NFIX: variants seen among roughly 807,000 people sequenced by gnomAD.
The protein encoded by NFIX is nuclear factor I X.
In NFIX, 2 loss-of-function variants were observed where a neutral mutation model predicts 53.3. The observed-to-expected ratio is 0.04, with a 90% CI of 0.02 to 0.12. The LOEUF (loss-of-function observed/expected upper bound fraction) is 0.12. NFIX is among the 10% of genes least tolerant of loss of function. The pLI is 1.00. For missense variants in NFIX, 310 were observed against 674.5 expected (o/e 0.46, Z 5.99); for synonymous variants, 244 against 289.0 (o/e 0.84, Z 1.58).
chr19:13,039,228 C>CA (rs1555698305), intron 2 of NFIX, among the ~76,000 whole-genome samples: 1,895 of 144,564 alleles, frequency 0.013, 49 homozygotes, highest in African/African-American at 0.051. Context: ...ACACCCCCCC[C>CA]CACACACACA....
In NFIX at chr19:13,002,006, T is replaced by G. The variant is rs1416721324; in HGVS notation, c.27+6142T>G. Among the ~76,000 whole-genome samples, 1 of 152,116 alleles carries G rather than the reference T, an allele frequency of 6.6e-6. No individual in the cohort carries two copies. Among genetic ancestry groups the G allele is most frequent in the Admixed American group, 6.5e-5 (1 of 15,288 alleles). ...TCTGTCTGCCCGGCGCACATTGATC[T>G]TGGCTTCTGCCTGTGTCCGTTCTAG... On this transcript the variant is annotated intron_variant, in intron 1 of 10. Coordinates refer to ENST00000592199, the MANE Select transcript of NFIX (RefSeq NM_001365902.3). The surrounding 1 kb of genome is among the most constrained non-coding windows in gnomAD (Gnocchi z 6.1).
In NFIX at chr19:13,081,990, C is replaced by A. The variant is rs2017497974; in HGVS notation, c.1254+135C>A. Reference sequence around the variant, plus strand: ...TGGAGCAGCAGGGAGCTGGTAGTACCAAACGCCTCGATTTTCTGGGTCTGG... The same window carrying A: ...TGGAGCAGCAGGGAGCTGGTAGTACAAAACGCCTCGATTTTCTGGGTCTGG... On this transcript the variant is annotated intron_variant, in intron 8 of 10. Transcript: ENST00000592199. The surrounding 1 kb of genome is among the most constrained non-coding windows in gnomAD (Gnocchi z 4.7). 3.1e-6 allele frequency: 3 copies of A among 978,480 alleles called. No homozygotes were observed. The highest frequency in any genetic ancestry group is 4.5e-6 in the Non-Finnish European group (3 of 667,110). The allele number at this position is 978,480 out of a possible 1,614,324, so 60.6% of individuals were successfully genotyped here. A position where few individuals can be genotyped will look rare whatever the true frequency, so the allele number is the denominator to read the frequency against.
In NFIX at chr19:13,036,918, T is replaced by C. The variant is rs2014240569; in HGVS notation, c.559+11366T>C. On this transcript the variant is annotated intron_variant, in intron 2 of 10. Transcript: ENST00000592199. The surrounding 1 kb of genome is among the most constrained non-coding windows in gnomAD (Gnocchi z 4.7). ...CACCCGGACACATGACATCATTGTT[T>C]CCTTAGTAACAGGAATGCTCCCGGG... Among the ~76,000 whole-genome samples, 1 of 152,108 alleles carries C rather than the reference T, an allele frequency of 6.6e-6. No individual in the cohort carries two copies. The highest frequency in any genetic ancestry group is 2.4e-5 in the African/African-American group (1 of 41,408).
At chr19:13,018,335 CGGGGGGGGGGGGG>C (rs59494074) in intron 1 of NFIX, among the ~76,000 whole-genome samples, 124 of 11,242 alleles carry the variant, frequency 0.011, 15 homozygotes, top group Admixed American at 0.08. Context: ...AAGGAAGGGG[CGGGGGGGGGGGGG>C]GGGCGCGGTT....
chr19:13,074,146 C>T, intron 5 of NFIX, 120 bp downstream of exon 5: 1 of 1,278,996 alleles, frequency 7.8e-7, no homozygotes, highest in South Asian at 1.4e-5. Flanking sequence ...TCACCTCTCT[C>T]ATTGAGGGCA....
intron 2 of NFIX, among the ~76,000 whole-genome samples, chr19:13,065,304 G>A (rs1468195809): frequency 2.6e-5 from 4 of 152,206 alleles, no homozygotes; most frequent in African/African-American, 9.7e-5. Flanking sequence ...TGCCCAAGAT[G>A]TTTTTCTTTG....
At chr19:13,038,536 C>T (rs1422926869) in intron 2 of NFIX, among the ~76,000 whole-genome samples, 2 of 152,204 alleles carry the variant, frequency 1.3e-5, no homozygotes, top group East Asian at 1.9e-4. Context: ...CCTATTCTGG[C>T]ACATGGAGTT....
chr19:13,017,175 G>A (rs1342042674), intron 1 of NFIX, among the ~76,000 whole-genome samples: 1 of 152,158 alleles, frequency 6.6e-6, no homozygotes, highest in African/African-American at 2.4e-5. Flanking sequence ...GAGAGAGGGT[G>A]AGAAAGAAAG....
At chr19:13,033,542 G>A (rs576175283) in intron 2 of NFIX, among the ~76,000 whole-genome samples, 176 of 152,284 alleles carry the variant, frequency 1.2e-3, no homozygotes, top group Non-Finnish European at 2.0e-3. Context: ...GCTGTTATTT[G>A]GGGACACCCA....
chr19:13,024,422 T>C (rs2013154020), intron 1 of NFIX: 1 of 963,050 alleles, frequency 1.0e-6, no homozygotes, highest in South Asian at 4.8e-5. Flanking sequence ...GAAAAGAAAA[T>C]GAAAACAGCC....
rs1047950605 is a variant in NFIX, at chr19:13,022,077, G to A, written c.28-2944G>A. ...GGCAGATCTGGAGAATTAAATGCCTGTGCAGTGGTGAGGGGCGTTGGTCAG... is the reference window on the plus strand; with the variant it reads ...GGCAGATCTGGAGAATTAAATGCCTATGCAGTGGTGAGGGGCGTTGGTCAG... On this transcript the variant is annotated intron_variant, in intron 1 of 10. Coordinates refer to ENST00000592199, the MANE Select transcript of NFIX (RefSeq NM_001365902.3). This position sits in a 1 kb window ranked among gnomAD's most constrained non-coding sequence, Gnocchi z 4.5. 6.6e-6 allele frequency among the ~76,000 whole-genome samples: 1 copy of A among 152,202 alleles called. No homozygotes were observed.
Position 13,089,807 on chromosome 19 carries a change from G to A in NFIX, c.1403-492G>A, listed in dbSNP as rs571832020. Among the ~76,000 whole-genome samples, 1 of 152,274 alleles carries A rather than the reference G, an allele frequency of 6.6e-6. No individual in the cohort carries two copies. Among genetic ancestry groups the A allele is most frequent in the East Asian group, 1.9e-4 (1 of 5,166 alleles). On this transcript the variant is annotated intron_variant, in intron 9 of 10. Transcript: ENST00000592199. This position sits in a 1 kb window ranked among gnomAD's most constrained non-coding sequence, Gnocchi z 4.8. Reference sequence around the variant, plus strand: ...GGGAAGGCCTTCCCGAAGCAGGGTGGGGCCGGACTGCCAAAGCCTCCACCC... The same window carrying A: ...GGGAAGGCCTTCCCGAAGCAGGGTGAGGCCGGACTGCCAAAGCCTCCACCC...
Position 13,085,069 on chromosome 19 carries a change from CAAAAAAA to C in NFIX, c.1255-2904_1255-2898del, listed in dbSNP as rs555726363. Among the ~76,000 whole-genome samples the C allele has an allele frequency of 3.6e-4, 20 of 54,950 alleles. 1 individual carries two copies. The highest frequency in any genetic ancestry group is 1.1e-3 in the African/African-American group (18 of 15,778). 36.0% of individuals were successfully genotyped at this position (54,950 alleles called of 152,430 possible). A position where few individuals can be genotyped will look rare whatever the true frequency, so the allele number is the denominator to read the frequency against. ...TGGGCGACAGAGTGAGACTCCATCT[CAAAAAAA>C]AAAAAAAAAAAAAAATTGAGGAGCT... On this transcript the variant is annotated intron_variant, in intron 8 of 10. Coordinates refer to ENST00000592199, the MANE Select transcript of NFIX (RefSeq NM_001365902.3).
At position 13,013,959 on chromosome 19, in the gene NFIX, G is replaced by A. The variant is rs577060533; in HGVS notation, c.28-11062G>A. 4.1e-4 allele frequency: 63 copies of A among 152,360 alleles called. No homozygotes were observed. Among genetic ancestry groups the A allele is most frequent in the African/African-American group, 1.5e-3 (61 of 41,588 alleles). 9.4% of individuals were successfully genotyped at this position (152,360 alleles called of 1,614,324 possible). A position where few individuals can be genotyped will look rare whatever the true frequency, so the allele number is the denominator to read the frequency against. On this transcript the variant is annotated intron_variant, in intron 1 of 10. Coordinates refer to ENST00000592199, the MANE Select transcript of NFIX (RefSeq NM_001365902.3). This position sits in a 1 kb window ranked among gnomAD's most constrained non-coding sequence, Gnocchi z 5.9. ...CTTCTGCGCTGCCTCTGTCGTCGGA[G>A]CCCGGGTTTGCCACGGCAAAGTCTG...
At chr19:13,058,695 A>G (rs895359067) in intron 2 of NFIX, among the ~76,000 whole-genome samples, 1 of 151,912 alleles carries the variant, frequency 6.6e-6, no homozygotes, top group Non-Finnish European at 1.5e-5. Context: ...CTGTCTCAAA[A>G]AAAGCAAAAA....
chr19:13,035,017 A>G (rs139158011), intron 2 of NFIX, among the ~76,000 whole-genome samples: 2 of 152,296 alleles, frequency 1.3e-5, no homozygotes, highest in African/African-American at 2.4e-5. Context: ...TTGACCCGCT[A>G]GAAATCAGTT....
Position 13,067,998 on chromosome 19 carries a change from G to A in NFIX, c.560-5049G>A, listed in dbSNP as rs1362682048. Reference sequence around the variant, plus strand: ...CAGGTGCCTGTAGTTCCCAGTACTCGGGAGGCTGAGGCAGGAGAATGGCGT... The same window carrying A: ...CAGGTGCCTGTAGTTCCCAGTACTCAGGAGGCTGAGGCAGGAGAATGGCGT... On this transcript the variant is annotated intron_variant, in intron 2 of 10. Coordinates refer to ENST00000592199, the MANE Select transcript of NFIX (RefSeq NM_001365902.3). This position sits in a 1 kb window ranked among gnomAD's most constrained non-coding sequence, Gnocchi z 4.2. Among the ~76,000 whole-genome samples the A allele has an allele frequency of 3.3e-5, 5 of 151,884 alleles. No individual in the cohort carries two copies. The highest frequency in any genetic ancestry group is 9.7e-5 in the African/African-American group (4 of 41,334).
At position 13,045,816 on chromosome 19, in the gene NFIX, T is replaced by C. The variant is rs1247724072; in HGVS notation, c.559+20264T>C. 6.6e-6 allele frequency among the ~76,000 whole-genome samples: 1 copy of C among 152,228 alleles called. No individual in the cohort carries two copies. The highest frequency in any genetic ancestry group is 2.4e-5 in the African/African-American group (1 of 41,458). On this transcript the variant is annotated intron_variant, in intron 2 of 10. Coordinates refer to ENST00000592199, the MANE Select transcript of NFIX (RefSeq NM_001365902.3). The surrounding 1 kb of genome is among the most constrained non-coding windows in gnomAD (Gnocchi z 4.4). ...GATCCAGGATTGGAGAATTTGCTCT[T>C]GCCCACCTCTCCATGTCCTCGTTGC...
At position 13,068,035 on chromosome 19, in the gene NFIX, G is replaced by A. The variant is rs1260301840; in HGVS notation, c.560-5012G>A. On this transcript the variant is annotated intron_variant, in intron 2 of 10. Transcript: ENST00000592199. The surrounding 1 kb of genome is among the most constrained non-coding windows in gnomAD (Gnocchi z 4.2). ...CAGGAGAATGGCGTGAACCCAGGAGGTGGGGCTTGCAGTGAGCCGAGATCG... is the reference window on the plus strand; with the variant it reads ...CAGGAGAATGGCGTGAACCCAGGAGATGGGGCTTGCAGTGAGCCGAGATCG... Among the ~76,000 whole-genome samples, 2 of 151,926 alleles carry A rather than the reference G, an allele frequency of 1.3e-5. No homozygotes were observed. The highest frequency in any genetic ancestry group is 2.9e-5 in the Non-Finnish European group (2 of 67,988).
Sources: gnomAD v4.1 joint callset for allele counts (sites outside exome capture counted in the v4.1 genomes callset) on GRCh38, gnomAD v4.1.1 for gene constraint, Gnocchi (gnomAD v3.1) non-coding constraint, MANE v1.5 for transcripts, NCBI Gene and HGNC (gene_info 2026-07-23, HGNC 2026-07-21) for gene names.